PCDH11X: variants seen among roughly 807,000 people sequenced by gnomAD.
The protein encoded by PCDH11X is protocadherin-11 X-linked.
Under a neutral mutation model 53.3 loss-of-function variants are expected in PCDH11X, and 18 were observed. The ratio of observed to expected loss-of-function variants is 0.34; its 90% confidence interval spans 0.23 to 0.50. The LOEUF (loss-of-function observed/expected upper bound fraction) is 0.50. Ranked by LOEUF, PCDH11X falls within the 20% of genes least tolerant of loss-of-function variation. The probability of loss-of-function intolerance (pLI) is 0.98; values close to 1 mark genes in which losing one functional copy is unlikely to be tolerated. For missense variants in PCDH11X, 570 were observed against 1,032.4 expected, an observed-to-expected ratio of 0.55 and a Z score of 6.14; for synonymous variants, 279 against 393.3, an observed-to-expected ratio of 0.71 and a Z score of 3.44.
intron 8 of PCDH11X, among the ~76,000 whole-genome samples, chrX:92,316,708 G>A: frequency 9.0e-6 from 1 of 110,856 alleles, no homozygotes; most frequent in South Asian, 3.8e-4. Flanking sequence ...ACTTACTGGG[G>A]TCAAAACTGC....
intron 10 of PCDH11X, among the ~76,000 whole-genome samples, chrX:92,472,099 T>C (rs1447695906): frequency 9.0e-6 from 1 of 110,948 alleles, no homozygotes; most frequent in Non-Finnish European, 1.9e-5. Flanking sequence ...AGCAGCCGTT[T>C]CATTTACTTA....
At chrX:92,528,957 A>G (rs1453658588) in intron 10 of PCDH11X, among the ~76,000 whole-genome samples, 1 of 110,668 alleles carries the variant, frequency 9.0e-6, no homozygotes, top group Non-Finnish European at 1.9e-5. Flanking sequence ...GATATGATGC[A>G]TGAGATAATT....
chrX:92,410,575 A>C (rs1211324715), intron 9 of PCDH11X, among the ~76,000 whole-genome samples: 1 of 95,335 alleles, frequency 1.0e-5, no homozygotes, highest in Non-Finnish European at 2.0e-5. Context: ...AGTAGTTTCC[A>C]TCAAGAAACA....
chrX:92,490,429 G>A (rs1174935980), intron 10 of PCDH11X, among the ~76,000 whole-genome samples: 5 of 111,470 alleles, frequency 4.5e-5, no homozygotes, highest in Admixed American at 9.6e-5. Flanking sequence ...AGAAATAGGC[G>A]TTTACAATGA....
intron 6 of PCDH11X, among the ~76,000 whole-genome samples, chrX:91,909,127 G>A (rs1454742320): frequency 9.0e-6 from 1 of 110,773 alleles, no homozygotes; most frequent in Non-Finnish European, 1.9e-5. Context: ...TTTTTACACA[G>A]TCCTCTTCAA....
At chrX:92,482,346 G>T (rs2073526464) in intron 10 of PCDH11X, among the ~76,000 whole-genome samples, 1 of 107,824 alleles carries the variant, frequency 9.3e-6, no homozygotes, top group Admixed American at 1.0e-4. Flanking sequence ...ATTTCATTTT[G>T]TTTTTATTTC....
chrX:91,842,356 CTTAA>C (rs1937535912), intron 5 of PCDH11X, among the ~76,000 whole-genome samples: 1 of 109,394 alleles, frequency 9.1e-6, no homozygotes, highest in Non-Finnish European at 1.9e-5. Flanking sequence ...ACTTAATTTT[CTTAA>C]TTATTTTTGA....
intron 6 of PCDH11X, among the ~76,000 whole-genome samples, chrX:92,013,235 A>G (rs1475128969): frequency 8.9e-6 from 1 of 111,818 alleles, no homozygotes; most frequent in African/African-American, 3.3e-5. Flanking sequence ...TTATACACCA[A>G]TAACAGACAA....
At chrX:91,821,320 C>A (rs1172918921) in intron 4 of PCDH11X, among the ~76,000 whole-genome samples, 1 of 108,314 alleles carries the variant, frequency 9.2e-6, no homozygotes, top group Non-Finnish European at 1.9e-5. Context: ...GAATGTTCTT[C>A]CATTTGTTTG....
chrX:92,268,370 C>T (rs865931958), intron 8 of PCDH11X, among the ~76,000 whole-genome samples: 3 of 110,417 alleles, frequency 2.7e-5, no homozygotes, highest in Non-Finnish European at 3.8e-5. Flanking sequence ...CAGCTCACTG[C>T]AACCTCTGCC....
At chrX:91,802,502 G>A (rs1180833640) in intron 1 of PCDH11X, among the ~76,000 whole-genome samples, 1 of 111,016 alleles carries the variant, frequency 9.0e-6, no homozygotes, top group Admixed American at 9.7e-5. Flanking sequence ...TATTAAGAAG[G>A]CCCACACATT....
chrX:92,023,053 C>T (rs2062912270), intron 6 of PCDH11X, among the ~76,000 whole-genome samples: 1 of 110,264 alleles, frequency 9.1e-6, no homozygotes, highest in Non-Finnish European at 1.9e-5. Context: ...TAAATGCCCA[C>T]ATCAGAAAGT....
chrX:91,984,947 C>A (rs1410037910), intron 6 of PCDH11X, among the ~76,000 whole-genome samples: 2 of 111,418 alleles, frequency 1.8e-5, no homozygotes, highest in African/African-American at 6.5e-5. Context: ...GAATCACAGG[C>A]CCCTTGGTTT....
In PCDH11X at chrX:92,094,167, GTGTGTGTGTA is replaced by G. The variant is rs1233083464; in HGVS notation, c.3034-107206_3034-107197del. Among the ~76,000 whole-genome samples the G allele has an allele frequency of 4.8e-4, 38 of 79,801 alleles. No homozygotes were observed. The East Asian group carries it at 9.5e-3, about 20-fold the overall frequency. The allele number at this position is 79,801 out of a possible 115,157, so 69.3% of individuals were successfully genotyped here. ...TGTGTGTGTGTGTGTGTGTGTGTGTGTGTGTGTGTATATATATATAAAACATTAAATTAAA... is the reference window on the plus strand; with the variant it reads ...TGTGTGTGTGTGTGTGTGTGTGTGTGTATATATATAAAACATTAAATTAAA... On this transcript the variant is annotated intron_variant, in intron 6 of 10. Transcript: ENST00000682573.
intron 6 of PCDH11X, among the ~76,000 whole-genome samples, chrX:92,039,705 C>A (rs770984757): frequency 3.0e-4 from 34 of 111,894 alleles, no homozygotes; most frequent in African/African-American, 1.1e-3. Flanking sequence ...TTATGCTGTA[C>A]CCCACTGTGG....
At chrX:92,303,988 G>A (rs1220388446) in intron 8 of PCDH11X, among the ~76,000 whole-genome samples, 2 of 110,389 alleles carry the variant, frequency 1.8e-5, no homozygotes, top group Non-Finnish European at 3.8e-5. Flanking sequence ...TTAGTTACCA[G>A]TGGAGTGGGA....
intron 6 of PCDH11X, among the ~76,000 whole-genome samples, chrX:92,180,984 T>A (rs180676743): frequency 1.8e-5 from 2 of 110,962 alleles, no homozygotes; most frequent in East Asian, 5.7e-4. Context: ...CCAAAAAATG[T>A]GAAAGCAAAT....
chrX:92,307,843 T>G (rs1350301096), intron 8 of PCDH11X, among the ~76,000 whole-genome samples: 1 of 108,576 alleles, frequency 9.2e-6, no homozygotes, highest in African/African-American at 3.3e-5. Context: ...ATTAACATAA[T>G]TAGTTATATT....
At chrX:91,983,408 G>T (rs2062175689) in intron 6 of PCDH11X, 8 of 914,940 alleles carry the variant, frequency 8.7e-6, no homozygotes, top group Middle Eastern at 7.8e-4. Flanking sequence ...CTCAGATTTT[G>T]TTTTCAAATC....
Sources: allele counts gnomAD v4.1 joint callset (sites outside exome capture counted in the v4.1 genomes callset), GRCh38; gene constraint gnomAD v4.1.1; transcripts MANE v1.5; gene names NCBI Gene and HGNC (gene_info 2026-07-23, HGNC 2026-07-21).